PUM1: variants seen among roughly 807,000 people sequenced by gnomAD.
PUM1 encodes the protein pumilio homolog 1.
Under a neutral mutation model 131.8 loss-of-function variants are expected in PUM1, and 13 were observed. The observed-to-expected ratio is 0.10, with a 90% confidence interval of 0.06 to 0.16. The LOEUF (loss-of-function observed/expected upper bound fraction) is 0.16. Ranked by LOEUF, PUM1 falls within the 10% of genes least tolerant of loss-of-function variation. PUM1 has a pLI of 1.00. For missense variants in PUM1, 961 were observed against 1,512.4 expected (o/e 0.64, Z 6.05); for synonymous variants, 509 against 556.5 (o/e 0.91, Z 1.20).
intron 21 of PUM1, among the ~76,000 whole-genome samples, chr1:30,934,844 C>A (rs1442409600): frequency 6.6e-6 from 1 of 152,128 alleles, no homozygotes; most frequent in Admixed American, 6.6e-5. Flanking sequence ...TAACAAGCCA[C>A]ACACACACAT....
chr1:31,049,271 T>C (rs1347010788), intron 2 of PUM1, among the ~76,000 whole-genome samples: 5 of 151,536 alleles, frequency 3.3e-5, no homozygotes, highest in African/African-American at 1.2e-4. Context: ...ATCCCAGCAC[T>C]CTGGGAGGCT....
intron 1 of PUM1, among the ~76,000 whole-genome samples, 164 bp downstream of exon 1, chr1:31,065,452 A>C (rs1177405442): frequency 6.6e-6 from 1 of 151,432 alleles, no homozygotes; most frequent in East Asian, 1.9e-4. Flanking sequence ...TGACTCCAAA[A>C]CATGTACGAG....
At chr1:30,935,294 G>A (rs1639155356) in intron 21 of PUM1, among the ~76,000 whole-genome samples, 1 of 152,248 alleles carries the variant, frequency 6.6e-6, no homozygotes, top group Non-Finnish European at 1.5e-5. Flanking sequence ...CCCTCTTCTG[G>A]AAAGGGTCAT....
At chr1:30,946,636 C>CAA (rs34267371) in intron 17 of PUM1, among the ~76,000 whole-genome samples, 43,976 of 121,704 alleles carry the variant, frequency 0.36, 7,744 homozygotes, top group Admixed American at 0.44. Flanking sequence ...GACTCTGTCT[C>CAA]AAAAAAAAAA....
intron 7 of PUM1, 21 bp from the exon 8 acceptor site, chr1:30,981,426 C>T (rs753728193): frequency 2.5e-5 from 38 of 1,509,192 alleles, no homozygotes; most frequent in South Asian, 2.5e-4. Flanking sequence ...AGGAAAAACA[C>T]GGTGTGGTTA....
intron 9 of PUM1, among the ~76,000 whole-genome samples, chr1:30,978,071 C>G (rs1641209945): frequency 6.6e-6 from 1 of 152,104 alleles, no homozygotes; most frequent in African/African-American, 2.4e-5. Flanking sequence ...ATGGCAAAAC[C>G]CCATCTCTAC....
chr1:30,936,445 GTGGC>G (rs1457705245), intron 21 of PUM1, among the ~76,000 whole-genome samples, 194 bp downstream of exon 21: 4 of 152,228 alleles, frequency 2.6e-5, no homozygotes, highest in African/African-American at 4.8e-5. Flanking sequence ...TCATACCAGT[GTGGC>G]TATTGATAAG....
At chr1:31,010,983 T>C (rs999977034) in intron 3 of PUM1, among the ~76,000 whole-genome samples, 52 of 152,216 alleles carry the variant, frequency 3.4e-4, no homozygotes, top group African/African-American at 1.2e-3. Context: ...AGCGAGACTC[T>C]AGCTTTACAA....
At chr1:30,992,319 C>G (rs1641823911) in intron 7 of PUM1, 71 bp downstream of exon 7, 1 of 1,555,406 alleles carries the variant, frequency 6.4e-7, no homozygotes, top group East Asian at 2.2e-5. Context: ...CCCATCCCCC[C>G]ATTCTTAATT....
At chr1:31,046,502 GT>G (rs906314216) in intron 2 of PUM1, among the ~76,000 whole-genome samples, 6 of 105,946 alleles carry the variant, frequency 5.7e-5, no homozygotes, top group African/African-American at 2.8e-4. Flanking sequence ...TTTTTTTTTT[GT>G]TTTTTTGGTT....
chr1:31,006,894 T>C (rs776388564), intron 4 of PUM1, 100 bp downstream of exon 4: 5 of 850,038 alleles, frequency 5.9e-6, no homozygotes, highest in South Asian at 1.6e-5. Context: ...CTGCTTGACA[T>C]GCTTATGTCA....
At chr1:31,026,734 G>A (rs774923636) in intron 3 of PUM1, among the ~76,000 whole-genome samples, 27 of 152,026 alleles carry the variant, frequency 1.8e-4, no homozygotes, top group Non-Finnish European at 3.4e-4. Context: ...TTCCTTATCC[G>A]GATAATAGAA....
chr1:30,957,087 T>TACACACACACACACAC (rs58044891), intron 14 of PUM1, among the ~76,000 whole-genome samples: 3,519 of 139,884 alleles, frequency 0.025, 85 homozygotes, highest in African/African-American at 0.034. Context: ...AGGACATTCA[T>TACACACACACACACAC]ACACACACAC....
intron 5 of PUM1, among the ~76,000 whole-genome samples, chr1:30,999,533 G>A (rs1288632696): frequency 7.3e-6 from 1 of 137,082 alleles, no homozygotes; most frequent in Non-Finnish European, 1.5e-5. Flanking sequence ...CTTGAACCCT[G>A]GAGGCAGAGG....
intron 10 of PUM1, among the ~76,000 whole-genome samples, chr1:30,971,441 G>T (rs771181681): frequency 2.6e-4 from 39 of 152,188 alleles, no homozygotes; most frequent in Non-Finnish European, 5.4e-4. Context: ...GGGAATGACA[G>T]AAAACTGAAA....
rs745540779 is a variant in PUM1 at position 30,981,438 on chromosome 1, G to A, written c.1159-33C>T. 5.7e-6 allele frequency: 8 copies of A among 1,391,708 alleles called. No individual in the cohort carries two copies. The East Asian group carries it at 7.1e-5, about 12-fold the overall frequency. The allele number at this position is 1,391,708 out of a possible 1,614,324, so 86.2% of individuals were successfully genotyped here. On this transcript the variant is annotated intron_variant, in intron 7 of 21. Coordinates refer to ENST00000426105, the MANE Select transcript of PUM1 (RefSeq NM_001020658.2). ...AAGAGGAAAAACACGGTGTGGTTAG[G>A]GAAACTGTCTTACAAAATCATTTAA... is the stretch of plus-strand genomic sequence containing the variant.
intron 21 of PUM1, among the ~76,000 whole-genome samples, 189 bp from the exon 22 acceptor site, chr1:30,933,531 C>A (rs570469928): frequency 5.9e-5 from 9 of 151,950 alleles, no homozygotes; most frequent in Admixed American, 5.2e-4. Flanking sequence ...CCCCTGACTT[C>A]TAGCACTTTG....
At chr1:31,032,073 A>G (rs1643450160) in intron 2 of PUM1, among the ~76,000 whole-genome samples, 2 of 152,160 alleles carry the variant, frequency 1.3e-5, no homozygotes, top group Non-Finnish European at 2.9e-5. Flanking sequence ...AGGAGGCTCA[A>G]CTTCTAAGAG....
intron 17 of PUM1, among the ~76,000 whole-genome samples, chr1:30,946,922 CAAACT>C (rs1411021099): frequency 6.6e-6 from 1 of 151,928 alleles, no homozygotes; most frequent in Non-Finnish European, 1.5e-5. Flanking sequence ...AAAACTAAAC[CAAACT>C]AAAGAATTTC....
Sources: allele counts gnomAD v4.1 joint callset (sites outside exome capture counted in the v4.1 genomes callset), GRCh38; gene constraint gnomAD v4.1.1; transcripts MANE v1.5; gene names NCBI Gene and HGNC (gene_info 2026-07-23, HGNC 2026-07-21).